Variants in PSMD5 observed in about 807,000 individuals in gnomAD.
The protein encoded by PSMD5 is proteasome 26S subunit, non-ATPase 5.
A neutral mutation model predicts 52.1 loss-of-function variants in PSMD5; 40 were observed. The observed-to-expected ratio is 0.77, with a 90% CI of 0.60 to 1.00. PSMD5 has a LOEUF of 1.00. Ranked by LOEUF, PSMD5 falls within the 50% of genes least tolerant of loss-of-function variation. The pLI is 0.00. For missense variants in PSMD5, 575 were observed against 605.2 expected, an observed-to-expected ratio of 0.95 and a Z score of 0.52; for synonymous variants, 211 against 226.6, an observed-to-expected ratio of 0.93 and a Z score of 0.62.
At chr9:120,822,354 G>A (rs1428943392) in intron 7 of PSMD5, among the ~76,000 whole-genome samples, 1 of 152,094 alleles carries the variant, frequency 6.6e-6, no homozygotes, top group Non-Finnish European at 1.5e-5. Flanking sequence ...GCCATAATTT[G>A]TATGACCTTA....
chr9:120,828,198 C>T (rs1320164057), intron 5 of PSMD5, among the ~76,000 whole-genome samples: 2 of 152,158 alleles, frequency 1.3e-5, no homozygotes, highest in East Asian at 1.9e-4. Flanking sequence ...CAGGGTTTCA[C>T]CGTATTGGCC....
chr9:120,819,013 A>G (rs1056059516), intron 9 of PSMD5, among the ~76,000 whole-genome samples: 4 of 152,226 alleles, frequency 2.6e-5, no homozygotes, highest in African/African-American at 9.6e-5. Flanking sequence ...ATATTTCACC[A>G]AAAATAAACA....
Position 120,829,222 on chromosome 9 carries a change from A to C in PSMD5, c.562-14T>G, listed in dbSNP as rs778029638. 6.4e-7 allele frequency: 1 copy of C among 1,565,992 alleles called. No homozygotes were observed. Among genetic ancestry groups the C allele is most frequent in the Non-Finnish European group, 8.6e-7 (1 of 1,161,156 alleles). On this transcript the variant is annotated splice_polypyrimidine_tract_variant and intron_variant, in intron 4 of 9. Transcript: ENST00000210313. ...CTCTATAATTAGCTGAAATAAAAAAAAAAACACAGAAAAAAGAAAAAGGTC... is the reference window on the plus strand; with the variant it reads ...CTCTATAATTAGCTGAAATAAAAAACAAAACACAGAAAAAAGAAAAAGGTC...
Position 120,829,852 on chromosome 9 carries a change from T to G in PSMD5, c.562-644A>C, listed in dbSNP as rs113527343. ...ATCCTGTCAGTCAGTCAGTCAGTCA[T>G]TCACTCACTCATTCAGCAAGTATGT... On this transcript the variant is annotated intron_variant, in intron 4 of 9. Transcript: ENST00000210313. Among the ~76,000 whole-genome samples, 451 of 152,054 alleles carry G rather than the reference T, an allele frequency of 3.0e-3. 7 individuals carry two copies. Among genetic ancestry groups the G allele is most frequent in the African/African-American group, 0.01 (426 of 41,334 alleles).
chr9:120,832,313 G>A (rs554170851), intron 2 of PSMD5, among the ~76,000 whole-genome samples: 29 of 151,326 alleles, frequency 1.9e-4, no homozygotes, highest in African/African-American at 5.3e-4. Context: ...AAATGAGACC[G>A]AACAGGCAAA....
At chr9:120,841,823 T>G (rs1465867865) in intron 1 of PSMD5, 1 of 152,200 alleles carries the variant, frequency 6.6e-6, no homozygotes, top group Non-Finnish European at 1.5e-5. Context: ...TTTCTTTCTC[T>G]GTCCTGATGG....
rs2045109113 is a variant in PSMD5, at chr9:120,824,544, A to G, written c.956T>C (p.Val319Ala). The G allele has an allele frequency of 6.8e-6, 11 of 1,614,020 alleles. No homozygotes were observed. The East Asian group carries it at 2.5e-4, about 36-fold the overall frequency. The change falls in exon 7 of 10, where the codon GTT becomes GCT. Residue 319 changes from valine to alanine, a missense_variant. By Grantham distance (64) the Val-to-Ala change is moderately conservative. Transcript: ENST00000210313. ...PTMIGVAVDT[V>A]GILGSNVEGK... ...TTCAACATTGGATCCCAAGATTCCA[A>G]CTGTGTCTACAGCTACACCAATCAT...
intron 1 of PSMD5, among the ~76,000 whole-genome samples, chr9:120,835,262 C>A (rs902849722): frequency 2.6e-5 from 4 of 152,102 alleles, no homozygotes; most frequent in African/African-American, 9.7e-5. Flanking sequence ...GTGTTATGTG[C>A]ATATAATGAA....
intron 1 of PSMD5, among the ~76,000 whole-genome samples, chr9:120,836,340 T>G (rs1390971747): frequency 1.3e-5 from 2 of 152,146 alleles, no homozygotes; most frequent in Non-Finnish European, 2.9e-5. Context: ...GTAATTTTAA[T>G]TTGTATTTCC....
chr9:120,820,888 C>G lies in PSMD5; in HGVS notation c.1208G>C (p.Ser403Thr). The change falls in exon 9 of 10, where the codon AGT becomes ACT. Residue 403 changes from serine to threonine, a missense_variant. Transcript: ENST00000210313. The part of the protein sequence containing the change: ...RDPLELFRGI[S>T]SQPFPELHCA... ...GTGTAGTTCAGGGAAGGGCTGACTA[C>G]TAATGCCACGGAAGAGCTCCAGTGG... The G allele has an allele frequency of 6.2e-7, 1 of 1,608,096 alleles. No homozygotes were observed. Among genetic ancestry groups the G allele is most frequent in the African/African-American group, 1.3e-5 (1 of 74,734 alleles).
At chr9:120,838,484 C>T (rs979249536) in intron 1 of PSMD5, among the ~76,000 whole-genome samples, 3 of 152,212 alleles carry the variant, frequency 2.0e-5, no homozygotes, top group African/African-American at 7.2e-5. Flanking sequence ...TCTGCAAGAT[C>T]AGATTGTGAA....
At position 120,826,845 on chromosome 9, in the gene PSMD5, G is replaced by A; in HGVS notation, c.734C>T (p.Ala245Val). 1 of 1,613,224 alleles carries A rather than the reference G, an allele frequency of 6.2e-7. No homozygotes were observed. The highest frequency in any genetic ancestry group is 8.5e-7 in the Non-Finnish European group (1 of 1,179,194). The change falls in exon 6 of 10, where the codon GCT becomes GTT. Residue 245 changes from alanine to valine, a missense_variant. By Grantham distance (64) the Ala-to-Val change is moderately conservative. Coordinates refer to ENST00000210313, the MANE Select transcript of PSMD5 (RefSeq NM_005047.4). ...AYTHHGRQYL[A>V]QEGVIDQISN... ...AATTTGGTCAATTACTCCTTCTTGA[G>A]CAAGATATTGTCGCCCATGATGAGT...
chr9:120,822,298 A>C (rs1306849073), intron 7 of PSMD5, among the ~76,000 whole-genome samples: 1 of 152,228 alleles, frequency 6.6e-6, no homozygotes. Flanking sequence ...TATATAAGGC[A>C]AAGTTATAAA....
chr9:120,822,424 G>A (rs2045091920), intron 7 of PSMD5, among the ~76,000 whole-genome samples: 1 of 152,164 alleles, frequency 6.6e-6, no homozygotes, highest in Non-Finnish European at 1.5e-5. Context: ...AAATGACAAT[G>A]TATGTTCTTT....
intron 1 of PSMD5, 101 bp downstream of exon 1, chr9:120,842,636 C>G: frequency 7.0e-7 from 1 of 1,432,868 alleles, no homozygotes; most frequent in Non-Finnish European, 9.5e-7. Flanking sequence ...CTTTCCACCT[C>G]CCCTGTGACT....
intron 9 of PSMD5, among the ~76,000 whole-genome samples, chr9:120,820,453 C>T (rs991719684): frequency 2.6e-5 from 4 of 152,134 alleles, no homozygotes; most frequent in African/African-American, 7.2e-5. Context: ...GTGTTAGATA[C>T]GGAGACCCCA....
At chr9:120,842,461 T>C in intron 1 of PSMD5, 1 of 519,830 alleles carries the variant, frequency 1.9e-6, no homozygotes, top group Non-Finnish European at 3.4e-6. Flanking sequence ...AGCTTTGCTT[T>C]CCTCCTTTAA....
intron 1 of PSMD5, among the ~76,000 whole-genome samples, chr9:120,837,720 A>G (rs2045207886): frequency 6.6e-6 from 1 of 152,224 alleles, no homozygotes; most frequent in Non-Finnish European, 1.5e-5. Flanking sequence ...ATATACACCT[A>G]CCATACCATC....
At chr9:120,830,233 T>C (rs2045150484) in intron 4 of PSMD5, among the ~76,000 whole-genome samples, 1 of 152,146 alleles carries the variant, frequency 6.6e-6, no homozygotes, top group Non-Finnish European at 1.5e-5. Flanking sequence ...CAGTTTGTTG[T>C]CTTATTTTTT....
Sources: allele counts gnomAD v4.1 joint callset (sites outside exome capture counted in the v4.1 genomes callset), GRCh38; gene constraint gnomAD v4.1.1; transcripts MANE v1.5; gene names NCBI Gene and HGNC (gene_info 2026-07-23, HGNC 2026-07-21).